Variants in RANBP3L observed in about 807,000 individuals in gnomAD.
RANBP3L encodes RAN binding protein 3 like.
Under a neutral mutation model 67.2 loss-of-function variants are expected in RANBP3L, and 56 were observed. That is an observed-to-expected ratio of 0.83 (90% CI 0.67 to 1.04). The LOEUF is 1.04. RANBP3L is among the 50% of genes least tolerant of loss of function. RANBP3L has a pLI of 0.00. For missense variants in RANBP3L, 496 were observed against 535.5 expected, an observed-to-expected ratio of 0.93 and a Z score of 0.73; for synonymous variants, 164 against 181.4, an observed-to-expected ratio of 0.90 and a Z score of 0.77.
At chr5:36,253,565 C>G in intron 12 of RANBP3L, 82 bp downstream of exon 12, 1 of 1,140,222 alleles carries the variant, frequency 8.8e-7, no homozygotes, top group Non-Finnish European at 1.3e-6. Flanking sequence ...GATTATTATA[C>G]CTAATGAAAA....
chr5:36,290,295 A>G (rs1561139913), intron 1 of RANBP3L, among the ~76,000 whole-genome samples: 1 of 149,178 alleles, frequency 6.7e-6, no homozygotes, highest in Non-Finnish European at 1.5e-5. Flanking sequence ...TTGACTCACT[A>G]CAACATTTAC....
intron 1 of RANBP3L, among the ~76,000 whole-genome samples, chr5:36,296,336 C>T (rs780104975): frequency 1.4e-4 from 22 of 152,218 alleles, no homozygotes; most frequent in Admixed American, 3.3e-4. Flanking sequence ...CTAAGTCCTT[C>T]ATTTGTGGGT....
At chr5:36,271,193 T>C in intron 2 of RANBP3L, 60 bp downstream of exon 2, 1 of 963,266 alleles carries the variant, frequency 1.0e-6, no homozygotes, top group Non-Finnish European at 1.7e-6. Context: ...GATAACTAGC[T>C]TCCTGAAATA....
At chr5:36,265,317 T>C in intron 5 of RANBP3L, 132 bp downstream of exon 5, 2 of 693,332 alleles carry the variant, frequency 2.9e-6, no homozygotes, top group Admixed American at 6.0e-5. Flanking sequence ...CCTGGCTTAC[T>C]TGCATTATTT....
chr5:36,251,373 TC>T lies in RANBP3L; in HGVS notation c.1293del (p.Asn432ThrfsTer40). The T allele has an allele frequency of 6.2e-7, 1 of 1,613,496 alleles. No homozygotes were observed. The highest frequency in any genetic ancestry group is 8.5e-7 in the Non-Finnish European group (1 of 1,179,622). On this transcript the variant is annotated frameshift_variant, in exon 13 of 14. Coordinates refer to ENST00000296604, the MANE Select transcript of RANBP3L (RefSeq NM_145000.5). LOFTEE classifies it high-confidence loss of function. ...TCATTCTCATCACAGCTTTCGCAGT[TC>T]AATTGTTGGGCTGTTTCTGACAGGC... The part of the protein sequence containing the change: ...AESLSETAQQ[L>X]NCESCDENED...
In RANBP3L at chr5:36,269,912, A is replaced by G. The variant is rs781704199; in HGVS notation, c.190+39T>C. On this transcript the variant is annotated intron_variant, in intron 3 of 13. Coordinates refer to ENST00000296604, the MANE Select transcript of RANBP3L (RefSeq NM_145000.5). The stretch of plus-strand genomic sequence containing the variant: ...ACTTGTGTCTGCTAATTTTGTTTGT[A>G]TAAAGATTGATTTTGGAATACAGGA... 7.1e-6 allele frequency: 11 copies of G among 1,557,344 alleles called. No homozygotes were observed. The South Asian group carries it at 8.9e-5, about 13-fold the overall frequency.
intron 1 of RANBP3L, among the ~76,000 whole-genome samples, chr5:36,291,436 A>C (rs1370930770): frequency 6.6e-6 from 1 of 151,174 alleles, no homozygotes; most frequent in Non-Finnish European, 1.5e-5. Flanking sequence ...TTTAGGGTAC[A>C]TGTGCACAAT....
At chr5:36,257,284 C>G (rs1291349777) in intron 9 of RANBP3L, among the ~76,000 whole-genome samples, 170 bp downstream of exon 9, 1 of 151,910 alleles carries the variant, frequency 6.6e-6, no homozygotes, top group Admixed American at 6.6e-5. Context: ...ATCAGATAAT[C>G]ATATTTATAT....
Position 36,269,443 on chromosome 5 carries a change from C to A in RANBP3L, c.215G>T (p.Arg72Leu). 3.8e-6 allele frequency: 6 copies of A among 1,575,916 alleles called. No homozygotes were observed. Among genetic ancestry groups the A allele is most frequent in the Non-Finnish European group, 5.2e-6 (6 of 1,145,072 alleles). The change falls in exon 4 of 14, where the codon CGT (arginine) becomes CTT (leucine). Residue 72 changes from arginine to leucine, a missense_variant. Transcript: ENST00000296604. ...AAAAGTAAAAGATGAAGACCGTACA[C>A]GCTTTGTTGGAAAACCATTACATTC... The part of the protein sequence containing the change: ...EPECNGFPTK[R>L]VRSSSFTFHI...
chr5:36,299,335 ATGTGTGTGTGTG>A (rs368964724), intron 1 of RANBP3L, among the ~76,000 whole-genome samples: 1 of 145,262 alleles, frequency 6.9e-6, no homozygotes, highest in Non-Finnish European at 1.5e-5. Flanking sequence ...ACATACATAT[ATGTGTGTGTGTG>A]TGTGTGTGTG....
chr5:36,275,346 A>T (rs1750498912), intron 1 of RANBP3L, among the ~76,000 whole-genome samples: 1 of 152,244 alleles, frequency 6.6e-6, no homozygotes, highest in Non-Finnish European at 1.5e-5. Flanking sequence ...ACCATTAGTA[A>T]GTGGCAACGC....
intron 1 of RANBP3L, among the ~76,000 whole-genome samples, chr5:36,279,303 T>C (rs1306246688): frequency 1.3e-5 from 2 of 152,186 alleles, no homozygotes; most frequent in African/African-American, 4.8e-5. Context: ...AGACATTCTG[T>C]ACTTGTTTCT....
intron 1 of RANBP3L, among the ~76,000 whole-genome samples, chr5:36,295,678 T>TTG (rs1554021032): frequency 6.7e-6 from 1 of 149,080 alleles, no homozygotes; most frequent in Non-Finnish European, 1.5e-5. Context: ...ATCCTGTTTT[T>TTG]TTTTTTTTTT....
chr5:36,249,775 A>T, intron 13 of RANBP3L, 78 bp from the exon 14 acceptor site: 1 of 584,078 alleles, frequency 1.7e-6, no homozygotes, highest in South Asian at 2.7e-5. Context: ...GCAACTAAAC[A>T]TGAATATTAA....
At chr5:36,290,109 C>G (rs1316821629) in intron 1 of RANBP3L, among the ~76,000 whole-genome samples, 1 of 152,078 alleles carries the variant, frequency 6.6e-6, no homozygotes, top group East Asian at 1.9e-4. Context: ...TTATGTTCCT[C>G]TACATCTTTC....
intron 1 of RANBP3L, among the ~76,000 whole-genome samples, chr5:36,282,293 G>C (rs1318485780): frequency 2.6e-5 from 4 of 152,150 alleles, no homozygotes; most frequent in Non-Finnish European, 5.9e-5. Context: ...GTCTAAAATG[G>C]TGTCTTCTCA....
rs183609537 is a variant in RANBP3L at position 36,294,987 on chromosome 5, C to T, written c.91+6339G>A. Among the ~76,000 whole-genome samples, 1,169 of 150,006 alleles carry T rather than the reference C, an allele frequency of 7.8e-3. 14 individuals carry two copies. The highest frequency in any genetic ancestry group is 0.027 in the African/African-American group (1,088 of 40,916). ...GTATGTATACATATATATACACACA[C>T]ATATATATACACACCATATTTTGTT... On this transcript the variant is annotated intron_variant, in intron 1 of 13. Transcript: ENST00000296604.
rs1752171317 is a variant in RANBP3L at position 36,295,784 on chromosome 5, A to C, written c.91+5542T>G. ...TTATTGTTTCCTAGTGGACTCTATT[A>C]GGAAGGCTTATTATGGAACTATCTA... On this transcript the variant is annotated intron_variant, in intron 1 of 13. Coordinates refer to ENST00000296604, the MANE Select transcript of RANBP3L (RefSeq NM_145000.5). 2.7e-5 allele frequency among the ~76,000 whole-genome samples: 4 copies of C among 149,548 alleles called. No homozygotes were observed. The South Asian group carries it at 8.5e-4, about 32-fold the overall frequency.
intron 1 of RANBP3L, among the ~76,000 whole-genome samples, chr5:36,294,306 G>A (rs1183798560): frequency 2.0e-5 from 3 of 151,376 alleles, no homozygotes; most frequent in Non-Finnish European, 2.9e-5. Context: ...TTCTTTATTA[G>A]TCTTGCTAGC....
Sources: allele counts gnomAD v4.1 joint callset (sites outside exome capture counted in the v4.1 genomes callset), GRCh38; gene constraint gnomAD v4.1.1; transcripts MANE v1.5; gene names NCBI Gene and HGNC (gene_info 2026-07-23, HGNC 2026-07-21).